Variants in ELMO1 observed in about 807,000 individuals in gnomAD.
ELMO1 encodes engulfment and cell motility protein 1.
In ELMO1, 26 loss-of-function variants were observed where a neutral mutation model predicts 98.9. That is an observed-to-expected ratio of 0.26 (90% CI 0.19 to 0.36). ELMO1 has a LOEUF of 0.36. Ranked by LOEUF, ELMO1 falls within the 10% of genes least tolerant of loss-of-function variation. The pLI, the probability that ELMO1 is intolerant of heterozygous loss-of-function variation, is 1.00. For missense variants in ELMO1, 627 were observed against 935.2 expected (o/e 0.67, Z 4.30); for synonymous variants, 346 against 346.0 (o/e 1.00, Z 0.00).
intron 1 of ELMO1, among the ~76,000 whole-genome samples, chr7:37,352,526 T>G (rs1801318130): frequency 6.6e-6 from 1 of 151,574 alleles, no homozygotes. Context: ...TCCAGAAAAC[T>G]TTTTTTTTAA....
At chr7:36,974,795 G>A (rs987974529) in intron 16 of ELMO1, among the ~76,000 whole-genome samples, 1 of 152,188 alleles carries the variant, frequency 6.6e-6, no homozygotes, top group African/African-American at 2.4e-5. Flanking sequence ...GCTTTTATGA[G>A]CTGTAACACT....
intron 5 of ELMO1, chr7:37,271,196 C>A (rs1268926127): frequency 6.6e-6 from 1 of 152,606 alleles, no homozygotes; most frequent in Non-Finnish European, 1.5e-5. Flanking sequence ...GCCTCGGCCT[C>A]CCAAAGTGCT....
In ELMO1 at chr7:37,391,469, C is replaced by A. The variant is rs183930751; in HGVS notation, c.-73-48706G>T. On this transcript the variant is annotated intron_variant, in intron 1 of 21. Transcript: ENST00000310758. ...TGTGCAAGGCCTTATAATATTATGA[C>A]AAAATATAAAATATAAAATTACACT... Among the ~76,000 whole-genome samples, 418 of 152,280 alleles carry A rather than the reference C, an allele frequency of 2.7e-3. 5 individuals carry two copies. Among genetic ancestry groups the A allele is most frequent in the African/African-American group, 9.7e-3 (405 of 41,550 alleles).
chr7:37,165,479 T>G (rs1789604204), intron 13 of ELMO1, among the ~76,000 whole-genome samples: 1 of 152,168 alleles, frequency 6.6e-6, no homozygotes, highest in African/African-American at 2.4e-5. Flanking sequence ...GGGTTTGTCA[T>G]AAATAGCTCT....
In ELMO1 at chr7:37,077,729, C is replaced by T. The variant is rs968993314; in HGVS notation, c.1300+18890G>A. Among the ~76,000 whole-genome samples the T allele has an allele frequency of 3.9e-5, 6 of 152,052 alleles. No homozygotes were observed. The East Asian group carries it at 7.7e-4, about 20-fold the overall frequency. The stretch of plus-strand genomic sequence containing the variant: ...GGCAGCAAGTTTCAGGCGCCAACAA[C>T]GGGGTAAATGGTGACCCCAGGGGTC... On this transcript the variant is annotated intron_variant, in intron 15 of 21. Transcript: ENST00000310758.
chr7:37,443,437 C>T (rs1408681405), intron 1 of ELMO1, among the ~76,000 whole-genome samples: 1 of 152,174 alleles, frequency 6.6e-6, no homozygotes, highest in East Asian at 1.9e-4. Flanking sequence ...ACTAATTTCT[C>T]GACTCAGCAC....
intron 18 of ELMO1, among the ~76,000 whole-genome samples, chr7:36,884,748 ACTCT>A (rs1395283653): frequency 6.6e-6 from 1 of 152,074 alleles, no homozygotes; most frequent in Non-Finnish European, 1.5e-5. Context: ...ACAGTCGAGC[ACTCT>A]CTATTTGTTC....
chr7:37,202,208 T>C (rs1792336841), intron 13 of ELMO1, among the ~76,000 whole-genome samples: 2 of 152,252 alleles, frequency 1.3e-5, no homozygotes, highest in African/African-American at 2.4e-5. Context: ...GAAAGCAAAG[T>C]ACTTGTTTCA....
intron 16 of ELMO1, among the ~76,000 whole-genome samples, chr7:37,000,717 T>A (rs1385084209): frequency 6.6e-6 from 1 of 152,130 alleles, no homozygotes; most frequent in East Asian, 1.9e-4. Context: ...GTCACATTTG[T>A]CCTTTGCACT....
chr7:37,055,274 C>T (rs76230517), intron 15 of ELMO1, among the ~76,000 whole-genome samples: 14,794 of 152,222 alleles, frequency 0.097, 811 homozygotes, highest in Middle Eastern at 0.21. Flanking sequence ...GAAGAACATA[C>T]GCTTTAAAGA....
At chr7:37,206,486 T>C (rs1792629452) in intron 13 of ELMO1, among the ~76,000 whole-genome samples, 1 of 152,198 alleles carries the variant, frequency 6.6e-6, no homozygotes, top group South Asian at 2.1e-4. Context: ...GGGACAGAGA[T>C]AGAGAAGGAA....
chr7:37,398,144 T>C (rs1271286921), intron 1 of ELMO1, among the ~76,000 whole-genome samples: 1 of 152,178 alleles, frequency 6.6e-6, no homozygotes, highest in Non-Finnish European at 1.5e-5. Context: ...CACCTGCACA[T>C]GTATCCCAGA....
intron 4 of ELMO1, among the ~76,000 whole-genome samples, chr7:37,294,896 A>G (rs2130985284): frequency 6.6e-6 from 1 of 152,106 alleles, no homozygotes; most frequent in Middle Eastern, 3.4e-3. Context: ...GCTACTTGGG[A>G]GGCTGAGGCA....
intron 18 of ELMO1, among the ~76,000 whole-genome samples, chr7:36,878,920 G>C (rs1219374947): frequency 6.6e-6 from 1 of 152,196 alleles, no homozygotes; most frequent in Non-Finnish European, 1.5e-5. Context: ...AACTGTGACA[G>C]CAATGCTTGT....
At chr7:37,442,609 G>A (rs1421416031) in intron 1 of ELMO1, among the ~76,000 whole-genome samples, 1 of 152,198 alleles carries the variant, frequency 6.6e-6, no homozygotes, top group African/African-American at 2.4e-5. Context: ...GAGGTTGGCT[G>A]ATGGACATAC....
intron 16 of ELMO1, among the ~76,000 whole-genome samples, chr7:36,903,918 CAG>C (rs2129060778): frequency 6.6e-6 from 1 of 152,316 alleles, no homozygotes; most frequent in African/African-American, 2.4e-5. Context: ...GATTGGCGGA[CAG>C]GGGACTGTGC....
chr7:36,995,162 G>T (rs2129155553), intron 16 of ELMO1, among the ~76,000 whole-genome samples: 1 of 152,264 alleles, frequency 6.6e-6, no homozygotes, highest in South Asian at 2.1e-4. Context: ...CTATGCAGAA[G>T]AAACCATTTT....
At chr7:36,938,490 G>A (rs763495544) in intron 16 of ELMO1, among the ~76,000 whole-genome samples, 14 of 152,198 alleles carry the variant, frequency 9.2e-5, no homozygotes, top group Admixed American at 2.0e-4. Flanking sequence ...GTTTATCTAA[G>A]AATGGTAATT....
chr7:37,408,893 T>C (rs1192431237), intron 1 of ELMO1, among the ~76,000 whole-genome samples: 3 of 152,224 alleles, frequency 2.0e-5, no homozygotes, highest in Non-Finnish European at 2.9e-5. Flanking sequence ...ATGGTGAAGT[T>C]GTAAATTTTG....
Sources: gnomAD v4.1 joint callset for allele counts (sites outside exome capture counted in the v4.1 genomes callset) on GRCh38, gnomAD v4.1.1 for gene constraint, MANE v1.5 for transcripts, NCBI Gene and HGNC (gene_info 2026-07-23, HGNC 2026-07-21) for gene names.